The following ADAMTSL1 variants were observed in gnomAD, a reference collection of about 807,000 sequenced individuals.
The protein encoded by ADAMTSL1 is ADAMTS-like protein 1.
A neutral mutation model predicts 201.8 loss-of-function variants in ADAMTSL1; 126 were observed. The observed-to-expected ratio is 0.62, with a 90% CI of 0.54 to 0.72. The LOEUF (loss-of-function observed/expected upper bound fraction) is 0.72. Ranked by LOEUF, ADAMTSL1 falls within the 30% of genes least tolerant of loss-of-function variation. The probability of loss-of-function intolerance (pLI) is 0.00; values close to 1 mark genes in which losing one functional copy is unlikely to be tolerated. For missense variants in ADAMTSL1, 2,679 were observed against 2,277.8 expected, an observed-to-expected ratio of 1.18 and a Z score of -3.59; for synonymous variants, 1,121 against 903.4, an observed-to-expected ratio of 1.24 and a Z score of -4.32.
At chr9:18,327,071 C>A (rs772436462) in intron 2 of ADAMTSL1, among the ~76,000 whole-genome samples, 3 of 152,086 alleles carry the variant, frequency 2.0e-5, no homozygotes, top group Admixed American at 1.3e-4. Flanking sequence ...GAAAATTTAG[C>A]GAAAGCTGAT....
At chr9:18,221,050 C>T (rs1036386618) in intron 2 of ADAMTSL1, among the ~76,000 whole-genome samples, 5 of 152,104 alleles carry the variant, frequency 3.3e-5, no homozygotes, top group Non-Finnish European at 7.3e-5. Flanking sequence ...TCGGGGATTA[C>T]AGACATGAGT....
chr9:18,790,503 G>A (rs62549062), intron 19 of ADAMTSL1, among the ~76,000 whole-genome samples: 21,628 of 152,152 alleles, frequency 0.14, 2,299 homozygotes, highest in East Asian at 0.32. Flanking sequence ...AGCTGCCTTT[G>A]TTTCAAATAA....
rs944845898 is a variant in ADAMTSL1 at position 18,214,740 on chromosome 9, A to G, written c.207+50759A>G. Among the ~76,000 whole-genome samples the G allele has an allele frequency of 7.2e-5, 11 of 152,300 alleles. 1 individual carries two copies. The highest frequency in any genetic ancestry group is 6.8e-3 in the Middle Eastern group (2 of 294). On this transcript the variant is annotated intron_variant, in intron 2 of 29. Transcript: ENST00000680146. Reference sequence around the variant, plus strand: ...AGAAGTATCAAAGTAGAGTTACTTCATTTGATAAGTGATTTAAAAATATTT... The same window carrying G: ...AGAAGTATCAAAGTAGAGTTACTTCGTTTGATAAGTGATTTAAAAATATTT...
chr9:18,214,138 T>C (rs1829982384), intron 2 of ADAMTSL1, among the ~76,000 whole-genome samples: 1 of 152,206 alleles, frequency 6.6e-6, no homozygotes, highest in Admixed American at 6.5e-5. Flanking sequence ...TTTTTCATGG[T>C]CAAGTTATCA....
chr9:18,334,759 A>G (rs1835159739), intron 2 of ADAMTSL1, among the ~76,000 whole-genome samples: 1 of 152,178 alleles, frequency 6.6e-6, no homozygotes, highest in Admixed American at 6.6e-5. Context: ...CAAATAGAAT[A>G]AAGACTTCTC....
chr9:18,575,826 A>G (rs539120772), intron 4 of ADAMTSL1, among the ~76,000 whole-genome samples: 8 of 152,318 alleles, frequency 5.3e-5, no homozygotes, highest in South Asian at 2.1e-4. Flanking sequence ...ATCCCATTCA[A>G]TGTTATTGCT....
At chr9:17,951,998 A>G (rs1327968890) in intron 1 of ADAMTSL1, among the ~76,000 whole-genome samples, 2 of 151,910 alleles carry the variant, frequency 1.3e-5, no homozygotes, top group African/African-American at 2.4e-5. Flanking sequence ...ATTAGGTCTC[A>G]CTGTATTGCC....
chr9:18,779,685 T>C (rs1013136949), intron 19 of ADAMTSL1, among the ~76,000 whole-genome samples: 3 of 152,180 alleles, frequency 2.0e-5, no homozygotes, highest in Non-Finnish European at 4.4e-5. Flanking sequence ...CTCCAAAAAA[T>C]CCTTATAACA....
In ADAMTSL1 at chr9:18,278,096, A is replaced by G. The variant is rs146206131; in HGVS notation, c.207+114115A>G. On this transcript the variant is annotated intron_variant, in intron 2 of 29. Transcript: ENST00000680146. ...TTATGTTATTAGTGCTGCAATTTTC[A>G]TCTTTTATATATTGTGTATTCATTA... 1.4e-3 allele frequency among the ~76,000 whole-genome samples: 207 copies of G among 152,102 alleles called. 3 individuals carry two copies. Among genetic ancestry groups the G allele is most frequent in the Admixed American group, 3.1e-3 (48 of 15,280 alleles).
At chr9:18,328,788 T>A (rs1834924122) in intron 2 of ADAMTSL1, among the ~76,000 whole-genome samples, 1 of 152,140 alleles carries the variant, frequency 6.6e-6, no homozygotes, top group Non-Finnish European at 1.5e-5. Flanking sequence ...TAGAAGCACA[T>A]GGGAAGCAAC....
intron 3 of ADAMTSL1, among the ~76,000 whole-genome samples, chr9:18,534,093 C>T (rs888577585): frequency 2.0e-5 from 3 of 152,074 alleles, no homozygotes; most frequent in Non-Finnish European, 2.9e-5. Context: ...TAAAAAGATT[C>T]GAATGTTAGT....
intron 2 of ADAMTSL1, among the ~76,000 whole-genome samples, chr9:18,368,291 C>A (rs1836874444): frequency 6.6e-6 from 1 of 152,152 alleles, no homozygotes; most frequent in African/African-American, 2.4e-5. Context: ...TTTATTGCCA[C>A]TACACGACTT....
intron 1 of ADAMTSL1, among the ~76,000 whole-genome samples, chr9:18,041,497 G>A (rs1821424587): frequency 6.6e-6 from 1 of 152,150 alleles, no homozygotes; most frequent in Non-Finnish European, 1.5e-5. Flanking sequence ...TATTATAAAT[G>A]CTACTGTGGA....
chr9:18,466,819 A>G (rs1215333423), intron 2 of ADAMTSL1, among the ~76,000 whole-genome samples: 1 of 152,158 alleles, frequency 6.6e-6, no homozygotes, highest in Non-Finnish European at 1.5e-5. Context: ...ACCAACATGG[A>G]GCAAGAATAA....
intron 2 of ADAMTSL1, among the ~76,000 whole-genome samples, chr9:18,213,633 T>A (rs1829959827): frequency 1.3e-5 from 2 of 152,226 alleles, no homozygotes; most frequent in Admixed American, 1.3e-4. Flanking sequence ...TCTATTTCTT[T>A]GATATATCTC....
chr9:18,422,873 G>A (rs982340133), intron 2 of ADAMTSL1, among the ~76,000 whole-genome samples: 1 of 152,154 alleles, frequency 6.6e-6, no homozygotes, highest in South Asian at 2.1e-4. Flanking sequence ...TTTATCACTT[G>A]AGGGCAAGTG....
intron 4 of ADAMTSL1, among the ~76,000 whole-genome samples, chr9:18,594,714 T>C (rs1010954998): frequency 2.6e-5 from 4 of 152,196 alleles, no homozygotes; most frequent in Admixed American, 6.5e-5. Flanking sequence ...TTGAATGAAC[T>C]CTCTGTCTCT....
chr9:18,502,817 C>A (rs10217753), intron 1 of ADAMTSL1, among the ~76,000 whole-genome samples: 55,074 of 151,858 alleles, frequency 0.36, 10,710 homozygotes, highest in South Asian at 0.46. Context: ...ACTTTACAAG[C>A]ACGGTGTCTC....
chr9:18,663,244 A>G (rs929802954), intron 9 of ADAMTSL1, among the ~76,000 whole-genome samples: 4 of 152,168 alleles, frequency 2.6e-5, no homozygotes, highest in African/African-American at 9.6e-5. Context: ...AATTCACAGG[A>G]ACCATATTCC....
Sources: gnomAD v4.1 joint callset for allele counts (sites outside exome capture counted in the v4.1 genomes callset) on GRCh38, gnomAD v4.1.1 for gene constraint, MANE v1.5 for transcripts, NCBI Gene and HGNC (gene_info 2026-07-23, HGNC 2026-07-21) for gene names.